OPCML: variants seen among roughly 807,000 people sequenced by gnomAD.
The protein encoded by OPCML is opioid-binding protein/cell adhesion molecule.
Under a neutral mutation model 37.8 loss-of-function variants are expected in OPCML, and 13 were observed. That is an observed-to-expected ratio of 0.34 (90% CI 0.22 to 0.55). OPCML has a LOEUF of 0.55. Among genes scored for constraint, OPCML ranks in the 20% least tolerant of loss-of-function variants. The probability of loss-of-function intolerance (pLI) is 0.91; values close to 1 mark genes in which losing one functional copy is unlikely to be tolerated. For synonymous variants in OPCML, 176 were observed against 168.8 expected (o/e 1.04, Z -0.33); for missense variants, 341 against 435.6 (o/e 0.78, Z 1.93).
intron 2 of OPCML, among the ~76,000 whole-genome samples, chr11:132,898,082 C>T (rs533997422): frequency 1.7e-4 from 26 of 152,230 alleles, no homozygotes; most frequent in Admixed American, 4.6e-4. Flanking sequence ...AGGTTGTGCA[C>T]GGGTTCAGCA....
intron 2 of OPCML, among the ~76,000 whole-genome samples, chr11:132,940,274 C>T (rs1201472304): frequency 6.6e-6 from 1 of 152,188 alleles, no homozygotes; most frequent in Non-Finnish European, 1.5e-5. Flanking sequence ...CCTAGTAGGT[C>T]TCTGGCCTCC....
At chr11:132,687,997 A>T (rs1943238066) in intron 2 of OPCML, among the ~76,000 whole-genome samples, 1 of 152,166 alleles carries the variant, frequency 6.6e-6, no homozygotes, top group Non-Finnish European at 1.5e-5. Flanking sequence ...TGCCATTCAC[A>T]CAAAGGCACT....
intron 1 of OPCML, among the ~76,000 whole-genome samples, chr11:133,435,575 A>T (rs144312173): frequency 1.3e-5 from 2 of 152,218 alleles, no homozygotes; most frequent in African/African-American, 4.8e-5. Flanking sequence ...TTCATTATTA[A>T]TAGGCTTTCT....
intron 2 of OPCML, among the ~76,000 whole-genome samples, chr11:132,659,979 A>C (rs1591687844): frequency 6.6e-6 from 1 of 152,170 alleles, no homozygotes; most frequent in East Asian, 1.9e-4. Flanking sequence ...AATTTCTTTT[A>C]TGTCCTATGA....
At chr11:132,704,540 T>C (rs551062502) in intron 2 of OPCML, among the ~76,000 whole-genome samples, 42 of 152,304 alleles carry the variant, frequency 2.8e-4, no homozygotes, top group African/African-American at 8.9e-4. Context: ...TGGAATGGAA[T>C]AGGTAAATAA....
chr11:132,876,756 G>A (rs1248694515), intron 2 of OPCML, among the ~76,000 whole-genome samples: 1 of 152,156 alleles, frequency 6.6e-6, no homozygotes, highest in Non-Finnish European at 1.5e-5. Context: ...AAGATTTAAG[G>A]AAAAGGTAAA....
At chr11:132,432,974 C>T (rs1049159751) in intron 7 of OPCML, among the ~76,000 whole-genome samples, 2 of 152,034 alleles carry the variant, frequency 1.3e-5, no homozygotes, top group African/African-American at 2.4e-5. Flanking sequence ...GTCAAAGGCG[C>T]GGAATGAGTG....
At chr11:132,889,927 G>T (rs772192632) in intron 2 of OPCML, among the ~76,000 whole-genome samples, 1 of 152,170 alleles carries the variant, frequency 6.6e-6, no homozygotes, top group Non-Finnish European at 1.5e-5. Flanking sequence ...CATAGACACC[G>T]TTCAATATGC....
chr11:133,290,751 A>G (rs1387725033), intron 1 of OPCML, among the ~76,000 whole-genome samples: 3 of 152,232 alleles, frequency 2.0e-5, no homozygotes, highest in African/African-American at 7.2e-5. Flanking sequence ...TCCCAGAACT[A>G]TTTGGAAAGG....
chr11:132,977,910 G>C (rs958986517), intron 1 of OPCML, among the ~76,000 whole-genome samples: 1 of 152,198 alleles, frequency 6.6e-6, no homozygotes, highest in Non-Finnish European at 1.5e-5. Flanking sequence ...GATCTGCACA[G>C]TCCCTGGAGA....
At chr11:132,843,472 G>A (rs2136308693) in intron 2 of OPCML, among the ~76,000 whole-genome samples, 1 of 152,146 alleles carries the variant, frequency 6.6e-6, no homozygotes, top group African/African-American at 2.4e-5. Context: ...CTAGAAAAGG[G>A]TACTTTGGAA....
intron 3 of OPCML, among the ~76,000 whole-genome samples, chr11:132,570,288 A>G (rs150433850): frequency 8.3e-4 from 127 of 152,266 alleles, no homozygotes; most frequent in African/African-American, 2.9e-3. Flanking sequence ...ATGGCCTTTG[A>G]AGCCCAAAAT....
chr11:132,867,635 C>T (rs1942627316), intron 2 of OPCML, among the ~76,000 whole-genome samples: 1 of 152,104 alleles, frequency 6.6e-6, no homozygotes, highest in East Asian at 1.9e-4. Flanking sequence ...TTTCAAGAAG[C>T]GGGGATGAGA....
intron 1 of OPCML, among the ~76,000 whole-genome samples, chr11:133,190,196 A>G (rs1402127924): frequency 1.3e-5 from 2 of 152,230 alleles, no homozygotes; most frequent in South Asian, 2.1e-4. Flanking sequence ...ATCAGTCCCC[A>G]ACATCTAAAA....
chr11:132,468,351 A>G (rs906485028), intron 4 of OPCML, among the ~76,000 whole-genome samples: 14 of 152,154 alleles, frequency 9.2e-5, no homozygotes, highest in African/African-American at 2.9e-4. Context: ...CAAGATACCT[A>G]TCAGTGGAAA....
At chr11:133,015,284 G>A (rs966772788) in intron 1 of OPCML, among the ~76,000 whole-genome samples, 2 of 147,580 alleles carry the variant, frequency 1.4e-5, no homozygotes, top group African/African-American at 4.9e-5. Flanking sequence ...GTGTTGGGTA[G>A]AGTGTTAGAA....
intron 1 of OPCML, among the ~76,000 whole-genome samples, chr11:132,952,300 C>T (rs1945877175): frequency 6.6e-6 from 1 of 152,052 alleles, no homozygotes; most frequent in African/African-American, 2.4e-5. Flanking sequence ...ACTGGGGCTT[C>T]CGTTTTTAGG....
intron 4 of OPCML, among the ~76,000 whole-genome samples, chr11:132,470,160 G>C (rs2096133424): frequency 6.6e-6 from 1 of 152,094 alleles, no homozygotes; most frequent in Non-Finnish European, 1.5e-5. Flanking sequence ...CATTGTTGCA[G>C]AAGGGATGCA....
At chr11:132,554,883 T>TTTTTTTTTTTTTTTTTTTTTTTTTTC (rs1255603307) in intron 3 of OPCML, among the ~76,000 whole-genome samples, 3 of 125,660 alleles carry the variant, frequency 2.4e-5, no homozygotes, top group Non-Finnish European at 3.3e-5. Flanking sequence ...TTTTTTTTTT[T>TTTTTTTTTTTTTTTTTTTTTTTTTTC]TTTTTTTTCA....
Sources: allele counts gnomAD v4.1 joint callset (sites outside exome capture counted in the v4.1 genomes callset), GRCh38; gene constraint gnomAD v4.1.1; transcripts MANE v1.5; gene names NCBI Gene and HGNC (gene_info 2026-07-23, HGNC 2026-07-21).